WDPCP: variants seen among roughly 807,000 people sequenced by gnomAD.
WDPCP encodes the protein WD repeat containing planar cell polarity effector, also known as WD repeat-containing and planar cell polarity effector protein fritz homolog.
A neutral mutation model predicts 93.1 loss-of-function variants in WDPCP; 71 were observed. The observed-to-expected ratio is 0.76, with a 90% CI of 0.63 to 0.93. The LOEUF (loss-of-function observed/expected upper bound fraction) is 0.93. Among genes scored for constraint, WDPCP ranks in the 40% least tolerant of loss-of-function variants. WDPCP has a pLI of 0.00. For synonymous variants in WDPCP, 315 were observed against 315.0 expected, an observed-to-expected ratio of 1.00 and a Z score of 0.00; for missense variants, 844 against 887.4, an observed-to-expected ratio of 0.95 and a Z score of 0.62.
At chr2:63,657,205 GT>G (rs61597471) in intron 2 of WDPCP, among the ~76,000 whole-genome samples, 18 of 114,128 alleles carry the variant, frequency 1.6e-4, no homozygotes, top group South Asian at 2.9e-4. Context: ...TCTGGGTGAT[GT>G]TTTTTTTTTT....
chr2:63,571,630 T>G (rs1472034696), intron 1 of WDPCP: 2 of 471,030 alleles, frequency 4.2e-6, no homozygotes, highest in Non-Finnish European at 8.8e-6. Flanking sequence ...TGGTTTTCTG[T>G]AAAAGGATTA....
chr2:63,361,468 A>T (rs1313258538), intron 12 of WDPCP, among the ~76,000 whole-genome samples: 1 of 152,210 alleles, frequency 6.6e-6, no homozygotes, highest in East Asian at 1.9e-4. Flanking sequence ...TGCAAGGCAT[A>T]TAGTAAACAA....
At chr2:63,498,685 T>A (rs1262932036) in intron 1 of WDPCP, among the ~76,000 whole-genome samples, 1 of 152,236 alleles carries the variant, frequency 6.6e-6, no homozygotes, top group African/African-American at 2.4e-5. Flanking sequence ...GGGTAAAGTA[T>A]GCTATGCAGT....
At chr2:63,465,348 A>G (rs79522202) in intron 6 of WDPCP, among the ~76,000 whole-genome samples, 3,103 of 152,182 alleles carry the variant, frequency 0.02, 121 homozygotes, top group African/African-American at 0.071. Flanking sequence ...TTGACACCAA[A>G]AAAAATGGAG....
chr2:63,269,055 T>C (rs1363081068), intron 13 of WDPCP, among the ~76,000 whole-genome samples: 1 of 152,122 alleles, frequency 6.6e-6, no homozygotes, highest in Non-Finnish European at 1.5e-5. Context: ...GGCCCCTTTT[T>C]GGAGTCACTT....
intron 2 of WDPCP, among the ~76,000 whole-genome samples, chr2:63,704,356 G>C (rs1425286663): frequency 1.3e-5 from 2 of 152,166 alleles, no homozygotes; most frequent in African/African-American, 4.8e-5. Context: ...AGTGGTGAGA[G>C]AGGGCATCTC....
intron 12 of WDPCP, among the ~76,000 whole-genome samples, chr2:63,359,054 ACT>A (rs995355297): frequency 4.7e-5 from 7 of 150,482 alleles, no homozygotes; most frequent in Non-Finnish European, 8.9e-5. Flanking sequence ...CTGTCCTTGC[ACT>A]CTCTCTTTCC....
At chr2:63,638,076 A>C (rs1383235768) in intron 3 of WDPCP, among the ~76,000 whole-genome samples, 1 of 152,214 alleles carries the variant, frequency 6.6e-6, no homozygotes, top group Non-Finnish European at 1.5e-5. Flanking sequence ...ATTGAGTCAT[A>C]AAATGAAGGA....
intron 17 of WDPCP, among the ~76,000 whole-genome samples, chr2:63,129,876 GTAAT>G (rs1028835311): frequency 3.4e-4 from 51 of 152,130 alleles, no homozygotes; most frequent in African/African-American, 1.2e-3. Context: ...CTAATACAAT[GTAAT>G]TATTATGTAA....
At chr2:63,494,287 T>TGATGATGATGACGACGAC (rs1553411029) in intron 1 of WDPCP, among the ~76,000 whole-genome samples, 8 of 150,334 alleles carry the variant, frequency 5.3e-5, no homozygotes, top group Non-Finnish European at 7.4e-5. Flanking sequence ...ATGATGATGA[T>TGATGATGATGACGACGAC]GACGACGACG....
intron 2 of WDPCP, among the ~76,000 whole-genome samples, chr2:63,672,979 C>T (rs866571607): frequency 8.5e-5 from 13 of 152,204 alleles, no homozygotes; most frequent in Admixed American, 2.0e-4. Flanking sequence ...TCTCTGACTC[C>T]TGGGCTCAAG....
intron 13 of WDPCP, among the ~76,000 whole-genome samples, chr2:63,277,219 T>TA (rs35296098): frequency 1.1e-4 from 17 of 151,434 alleles, no homozygotes; most frequent in Admixed American, 5.3e-4. Context: ...CAAGAACTGC[T>TA]AAAAAAAAAA....
intron 2 of WDPCP, among the ~76,000 whole-genome samples, chr2:63,680,823 A>G (rs1710480720): frequency 6.6e-6 from 1 of 152,182 alleles, no homozygotes; most frequent in Admixed American, 6.5e-5. Flanking sequence ...AACAGTAAAG[A>G]GGACTTTGTC....
At chr2:63,278,590 G>A (rs1033577264) in intron 13 of WDPCP, among the ~76,000 whole-genome samples, 1 of 152,188 alleles carries the variant, frequency 6.6e-6, no homozygotes, top group African/African-American at 2.4e-5. Flanking sequence ...CACTTTGGGA[G>A]GCTGAGGCAG....
intron 2 of WDPCP, among the ~76,000 whole-genome samples, chr2:63,662,955 C>G (rs946859917): frequency 6.6e-6 from 1 of 152,192 alleles, no homozygotes; most frequent in Non-Finnish European, 1.5e-5. Context: ...TACTTTTAAA[C>G]CTTCTCCCAC....
chr2:63,431,159 A>ATTT (rs11405769), intron 9 of WDPCP, among the ~76,000 whole-genome samples: 2 of 151,482 alleles, frequency 1.3e-5, no homozygotes, highest in East Asian at 3.9e-4. Flanking sequence ...CTTAAAAAAC[A>ATTT]TTTTTTTTAA....
intron 1 of WDPCP, among the ~76,000 whole-genome samples, chr2:63,817,511 G>A (rs1382027119): frequency 6.6e-6 from 1 of 152,148 alleles, no homozygotes; most frequent in Non-Finnish European, 1.5e-5. Flanking sequence ...ACACATTAAG[G>A]TAGGGGTTGA....
At chr2:63,303,666 G>A (rs6706180) in intron 13 of WDPCP, among the ~76,000 whole-genome samples, 121,844 of 152,092 alleles carry the variant, frequency 0.8, 49,674 homozygotes, top group East Asian at 0.96. Flanking sequence ...GCTAAGTAAA[G>A]ATACCAGGGG....
At chr2:63,731,317 G>GT (rs1669558490) in intron 2 of WDPCP, among the ~76,000 whole-genome samples, 2 of 151,828 alleles carry the variant, frequency 1.3e-5, no homozygotes, top group Non-Finnish European at 1.5e-5. Flanking sequence ...AACTGTTGGG[G>GT]GTTTTTTTGT....
Sources: gnomAD v4.1 joint callset for allele counts (sites outside exome capture counted in the v4.1 genomes callset) on GRCh38, gnomAD v4.1.1 for gene constraint, MANE v1.5 for transcripts, NCBI Gene and HGNC (gene_info 2026-07-23, HGNC 2026-07-21) for gene names.